LRRC4C: variants seen among roughly 807,000 people sequenced by gnomAD.
LRRC4C encodes leucine rich repeat containing 4C.
In LRRC4C, 5 loss-of-function variants were observed where a neutral mutation model predicts 33.6. The observed-to-expected ratio is 0.15, with a 90% confidence interval of 0.08 to 0.31. LRRC4C has a LOEUF of 0.31. Among genes scored for constraint, LRRC4C ranks in the 10% least tolerant of loss-of-function variants. LRRC4C has a pLI of 1.00. For synonymous variants in LRRC4C, 329 were observed against 302.0 expected, an observed-to-expected ratio of 1.09 and a Z score of -0.93; for missense variants, 560 against 796.7, an observed-to-expected ratio of 0.70 and a Z score of 3.58.
At chr11:41,374,452 AGAG>A (rs1952865617) in intron 1 of LRRC4C, among the ~76,000 whole-genome samples, 1 of 152,210 alleles carries the variant, frequency 6.6e-6, no homozygotes, top group East Asian at 1.9e-4. Context: ...TAGGATATAC[AGAG>A]GACAGAGTAA....
At chr11:40,989,451 G>A (rs1354809167) in intron 1 of LRRC4C, among the ~76,000 whole-genome samples, 2 of 152,096 alleles carry the variant, frequency 1.3e-5, no homozygotes, top group Non-Finnish European at 2.9e-5. Context: ...CTAATAAGAG[G>A]CTAGGCTGGG....
At chr11:40,139,740 A>G (rs1011839327) in intron 6 of LRRC4C, among the ~76,000 whole-genome samples, 1 of 152,252 alleles carries the variant, frequency 6.6e-6, no homozygotes, top group Admixed American at 6.5e-5. Context: ...TTTGTGAGCA[A>G]TGAATAGGTC....
intron 5 of LRRC4C, among the ~76,000 whole-genome samples, chr11:40,183,363 A>G (rs989783425): frequency 7.2e-5 from 11 of 152,162 alleles, no homozygotes; most frequent in Non-Finnish European, 1.5e-4. Flanking sequence ...TGTTTGGGGG[A>G]AAAAATAACT....
intron 2 of LRRC4C, among the ~76,000 whole-genome samples, chr11:40,927,983 T>A (rs964456457): frequency 1.3e-5 from 2 of 152,126 alleles, no homozygotes; most frequent in Non-Finnish European, 2.9e-5. Context: ...ATGTAAAGTT[T>A]TTTTTAAGTA....
At chr11:41,064,052 A>C (rs1410220338) in intron 1 of LRRC4C, among the ~76,000 whole-genome samples, 1 of 152,206 alleles carries the variant, frequency 6.6e-6, no homozygotes, top group East Asian at 1.9e-4. Context: ...TTTATACTCC[A>C]TTGTATCTGG....
chr11:40,147,547 G>C (rs1857843440), intron 5 of LRRC4C, among the ~76,000 whole-genome samples: 1 of 151,978 alleles, frequency 6.6e-6, no homozygotes, highest in African/African-American at 2.4e-5. Flanking sequence ...CTTAAGAGCA[G>C]AGACTGTTCT....
At chr11:41,358,861 T>G (rs75553549) in intron 1 of LRRC4C, among the ~76,000 whole-genome samples, 2 of 152,162 alleles carry the variant, frequency 1.3e-5, no homozygotes, top group Non-Finnish European at 2.9e-5. Flanking sequence ...CCAACCATCA[T>G]GCTCCTTGCT....
At chr11:40,947,756 T>A (rs1958471211) in intron 1 of LRRC4C, among the ~76,000 whole-genome samples, 1 of 152,022 alleles carries the variant, frequency 6.6e-6, no homozygotes, top group South Asian at 2.1e-4. Flanking sequence ...CCCTCTCTGA[T>A]ATCCTTCTCC....
chr11:40,767,990 C>A (rs1394935573), intron 2 of LRRC4C, among the ~76,000 whole-genome samples: 3 of 151,336 alleles, frequency 2.0e-5, no homozygotes, highest in Non-Finnish European at 4.4e-5. Context: ...AGAGCAGAAG[C>A]AAAATTGAAA....
chr11:40,973,536 T>C (rs552093309), intron 1 of LRRC4C, among the ~76,000 whole-genome samples: 4 of 152,048 alleles, frequency 2.6e-5, no homozygotes, highest in Non-Finnish European at 4.4e-5. Context: ...AGAGAATAGA[T>C]GTGGAGAGGG....
At chr11:41,062,143 A>G (rs1937824915) in intron 1 of LRRC4C, among the ~76,000 whole-genome samples, 2 of 152,262 alleles carry the variant, frequency 1.3e-5, no homozygotes, top group Admixed American at 6.5e-5. Flanking sequence ...AGTTTGTTAC[A>G]TAGGTAAACC....
At chr11:40,348,610 C>G (rs954146852) in intron 3 of LRRC4C, among the ~76,000 whole-genome samples, 1 of 152,180 alleles carries the variant, frequency 6.6e-6, no homozygotes, top group African/African-American at 2.4e-5. Context: ...ATGCCTACCT[C>G]TGCTCCCAGC....
At chr11:41,151,826 T>TCTAATAGCTAATAGATTGG (rs1231455903) in intron 1 of LRRC4C, among the ~76,000 whole-genome samples, 1 of 152,238 alleles carries the variant, frequency 6.6e-6, no homozygotes, top group East Asian at 1.9e-4. Context: ...ACTGAGTTAT[T>TCTAATAGCTAATAGATTGG]CTAATAGCTA....
At chr11:40,791,619 G>C (rs1040065109) in intron 2 of LRRC4C, among the ~76,000 whole-genome samples, 1 of 152,158 alleles carries the variant, frequency 6.6e-6, no homozygotes, top group African/African-American at 2.4e-5. Flanking sequence ...TGAGTGAATA[G>C]CCAGGTAATT....
At chr11:41,021,156 TGAGAGAGAGA>T (rs71060991) in intron 1 of LRRC4C, among the ~76,000 whole-genome samples, 34,160 of 126,656 alleles carry the variant, frequency 0.27, 5,302 homozygotes, top group Non-Finnish European at 0.33. Context: ...ATCGTGCATC[TGAGAGAGAGA>T]GAGAGAGAGA....
chr11:40,830,698 G>A (rs918481854), intron 2 of LRRC4C, among the ~76,000 whole-genome samples: 2 of 152,004 alleles, frequency 1.3e-5, no homozygotes, highest in South Asian at 4.1e-4. Flanking sequence ...CCTTCATGCC[G>A]ACGTACACCA....
intron 1 of LRRC4C, among the ~76,000 whole-genome samples, chr11:41,193,845 A>G (rs1000743527): frequency 2.6e-5 from 4 of 152,076 alleles, no homozygotes; most frequent in African/African-American, 9.7e-5. Flanking sequence ...TGATACTGAA[A>G]CTAAAGCAAA....
At chr11:40,177,459 C>T (rs1418189611) in intron 5 of LRRC4C, among the ~76,000 whole-genome samples, 4 of 152,002 alleles carry the variant, frequency 2.6e-5, no homozygotes, top group African/African-American at 7.3e-5. Context: ...TCTTTAGCTC[C>T]GACTTCTCTC....
intron 3 of LRRC4C, among the ~76,000 whole-genome samples, chr11:40,337,031 A>G (rs1395940015): frequency 6.9e-6 from 1 of 145,464 alleles, no homozygotes. Context: ...AAGGGAGTGG[A>G]GGAGAGTGGT....
Sources: allele counts gnomAD v4.1 joint callset (sites outside exome capture counted in the v4.1 genomes callset), GRCh38; gene constraint gnomAD v4.1.1; transcripts MANE v1.5; gene names NCBI Gene and HGNC (gene_info 2026-07-23, HGNC 2026-07-21).